The following ASPRV1 variants were observed in gnomAD, a reference collection of about 807,000 sequenced individuals.
ASPRV1 encodes aspartic peptidase retroviral like 1.
ASPRV1 carries 7 observed loss-of-function variants against 11.0 expected under a neutral mutation model. The ratio of observed to expected loss-of-function variants is 0.64; its 90% CI spans 0.36 to 1.20. ASPRV1 has a LOEUF of 1.20. Among genes scored for constraint, ASPRV1 ranks in the 50% most tolerant of loss-of-function variants. The pLI is 0.02. For missense variants in ASPRV1, 299 were observed against 320.0 expected (o/e 0.93, Z 0.50); for synonymous variants, 136 against 138.4 (o/e 0.98, Z 0.12).
the ASPRV1 span, among the ~76,000 whole-genome samples, chr2:70,033,314 C>T: frequency 3.4e-5 from 5 of 148,056 alleles, no homozygotes; most frequent in East Asian, 3.9e-4. Context: ...CACACACACA[C>T]ATATATGCAC....
the ASPRV1 span, among the ~76,000 whole-genome samples, chr2:70,051,571 G>A: frequency 2.0e-5 from 3 of 152,102 alleles, no homozygotes; most frequent in African/African-American, 7.2e-5. Context: ...CAAATAAAAA[G>A]CCCAATAAGT....
chr2:69,976,569 A>T, the ASPRV1 span: 3 of 152,212 alleles, frequency 2.0e-5, no homozygotes, highest in Non-Finnish European at 2.9e-5. Context: ...GTGATTTTTT[A>T]ATTATTTTTT....
At chr2:70,030,395 C>T in the ASPRV1 span, 1 of 152,196 alleles carries the variant, frequency 6.6e-6, no homozygotes, top group African/African-American at 2.4e-5. Flanking sequence ...TTGTTTCTTG[C>T]TAGGGAATGA....
the ASPRV1 span, among the ~76,000 whole-genome samples, chr2:70,062,112 AC>A: frequency 6.6e-6 from 1 of 151,966 alleles, no homozygotes; most frequent in East Asian, 1.9e-4. Flanking sequence ...ACATAGTGAA[AC>A]CCCGTCTCTA....
At chr2:69,933,060 G>T in the ASPRV1 span, among the ~76,000 whole-genome samples, 6 of 151,796 alleles carry the variant, frequency 4.0e-5, no homozygotes, top group South Asian at 2.1e-4. Context: ...TTAGCCGGAC[G>T]TGGTGGCGGG....
the ASPRV1 span, among the ~76,000 whole-genome samples, chr2:69,968,779 A>G: frequency 6.6e-6 from 1 of 152,210 alleles, no homozygotes; most frequent in East Asian, 1.9e-4. Flanking sequence ...GGGCACTGGA[A>G]CCCCTGGTCG....
chr2:70,014,648 A>G, the ASPRV1 span: 8 of 152,120 alleles, frequency 5.3e-5, no homozygotes, highest in Admixed American at 5.2e-4. Flanking sequence ...AAAAAATAAA[A>G]AATTAGCCAG....
At chr2:70,004,452 C>T in the ASPRV1 span, among the ~76,000 whole-genome samples, 26 of 150,326 alleles carry the variant, frequency 1.7e-4, no homozygotes, top group African/African-American at 4.7e-4. Flanking sequence ...ATCGCTTGAA[C>T]CTAGGAGGCA....
At chr2:69,985,345 C>T in the ASPRV1 span, among the ~76,000 whole-genome samples, 1 of 152,198 alleles carries the variant, frequency 6.6e-6, no homozygotes, top group African/African-American at 2.4e-5. Flanking sequence ...GCCACTGGTT[C>T]ATGCGAAGTC....
chr2:70,058,049 C>T, the ASPRV1 span, among the ~76,000 whole-genome samples: 3 of 152,168 alleles, frequency 2.0e-5, no homozygotes, highest in East Asian at 1.9e-4. Context: ...TCCCCAAGTG[C>T]TGGGATTACA....
chr2:70,032,041 T>C, the ASPRV1 span: 1 of 152,148 alleles, frequency 6.6e-6, no homozygotes, highest in African/African-American at 2.4e-5. Flanking sequence ...CTGACCACAG[T>C]CATGTGTCCT....
At chr2:70,043,190 G>C in the ASPRV1 span, among the ~76,000 whole-genome samples, 1 of 152,108 alleles carries the variant, frequency 6.6e-6, no homozygotes, top group Admixed American at 6.5e-5. Flanking sequence ...GGCCGAGGCG[G>C]GTGTATCACC....
At chr2:70,073,652 C>G in the ASPRV1 span, among the ~76,000 whole-genome samples, 4 of 152,096 alleles carry the variant, frequency 2.6e-5, no homozygotes, top group Non-Finnish European at 4.4e-5. Context: ...AGGAATGAAA[C>G]CTAAATGTGC....
At chr2:69,982,690 C>T in the ASPRV1 span, among the ~76,000 whole-genome samples, 8 of 152,260 alleles carry the variant, frequency 5.3e-5, no homozygotes, top group East Asian at 1.5e-3. Context: ...GCAGGGAAGA[C>T]AGAGTCATGC....
the ASPRV1 span, among the ~76,000 whole-genome samples, chr2:70,065,849 GAAAA>G: frequency 1.7e-5 from 2 of 119,552 alleles, no homozygotes; most frequent in Non-Finnish European, 3.4e-5. Context: ...AAAAAAGAAA[GAAAA>G]AGAAAAGGAA....
At chr2:69,985,429 A>T in the ASPRV1 span, among the ~76,000 whole-genome samples, 5 of 152,146 alleles carry the variant, frequency 3.3e-5, no homozygotes, top group Non-Finnish European at 5.9e-5. Context: ...ATCATGGCTC[A>T]CATGTGATGG....
chr2:70,031,790 A>G, the ASPRV1 span: 1 of 152,212 alleles, frequency 6.6e-6, no homozygotes, highest in Non-Finnish European at 1.5e-5. Flanking sequence ...TGCTCCAAAG[A>G]TGTCATGTGG....
chr2:70,086,856 G>A, the ASPRV1 span: 1 of 152,386 alleles, frequency 6.6e-6, no homozygotes, highest in East Asian at 1.9e-4. Context: ...AGGCGGCCGT[G>A]AGTGGGTTTC....
the ASPRV1 span, chr2:70,060,224 C>T: frequency 8.6e-4 from 130 of 151,450 alleles, no homozygotes; most frequent in African/African-American, 3.1e-3. Flanking sequence ...ATCTGTAATT[C>T]CAGCTACTCG....
Sources: gnomAD v4.1 joint callset for allele counts (sites outside exome capture counted in the v4.1 genomes callset) on GRCh38, gnomAD v4.1.1 for gene constraint, MANE v1.5 for transcripts, NCBI Gene and HGNC (gene_info 2026-07-23, HGNC 2026-07-21) for gene names.